The following PIK3CB variants were observed in gnomAD, a reference collection of about 807,000 sequenced individuals.
PIK3CB encodes the protein phosphatidylinositol-4,5-bisphosphate 3-kinase catalytic subunit beta, also known as phosphatidylinositol 4,5-bisphosphate 3-kinase catalytic subunit beta isoform.
Under a neutral mutation model 136.8 loss-of-function variants are expected in PIK3CB, and 39 were observed. The observed-to-expected ratio is 0.29, with a 90% confidence interval of 0.22 to 0.37. The LOEUF is 0.37. Among genes scored for constraint, PIK3CB ranks in the 10% least tolerant of loss-of-function variants. The probability of loss-of-function intolerance (pLI) is 1.00; values close to 1 mark genes in which losing one functional copy is unlikely to be tolerated. For synonymous variants in PIK3CB, 428 were observed against 436.6 expected, an observed-to-expected ratio of 0.98 and a Z score of 0.25; for missense variants, 868 against 1,275.4, an observed-to-expected ratio of 0.68 and a Z score of 4.87.
rs773279562 is a variant in PIK3CB, at chr3:138,734,677, T to C, written c.929A>G (p.Asn310Ser). ...CTTTGGTGGTAATGGAAGAGGAAGA[T>C]TAGATGAATTTCGATTTATGGCAGC... ...IEAAINRNSS[N>S]LPLPLPPKKT... The change falls in exon 7 of 24, where the codon AAT becomes AGT. Residue 310 changes from asparagine to serine, a missense_variant. By Grantham distance (46) the Asn-to-Ser change is conservative (BLOSUM62 1). This residue lies in a region of PIK3CB where 612 missense variants were observed against 801.1 expected (regional missense o/e 0.76). Transcript: ENST00000674063. 1.9e-6 allele frequency: 3 copies of C among 1,613,168 alleles called. No individual in the cohort carries two copies. Among genetic ancestry groups the C allele is most frequent in the Non-Finnish European group, 2.5e-6 (3 of 1,179,368 alleles).
chr3:138,729,083 C>G (rs933823716), intron 8 of PIK3CB, among the ~76,000 whole-genome samples: 1 of 152,014 alleles, frequency 6.6e-6, no homozygotes, highest in African/African-American at 2.4e-5. Flanking sequence ...GAGTTTGAGA[C>G]CAGGCTGGCC....
In PIK3CB at chr3:138,734,934, A is replaced by C. The variant is rs540409161; in HGVS notation, c.802-130T>G. 6 of 512,740 alleles carry C rather than the reference A, an allele frequency of 1.2e-5. No homozygotes were observed. The East Asian group carries it at 2.1e-4, about 18-fold the overall frequency. The allele number at this position is 512,740 out of a possible 1,614,324, so 31.8% of individuals were successfully genotyped here. A position where few individuals can be genotyped will look rare whatever the true frequency, so the allele number is the denominator to read the frequency against. ...TGTCTTAAACCACAGCAGAATATCAAGAAATTAAAAAAAAAAAATTTTTTT... is the reference window on the plus strand; with the variant it reads ...TGTCTTAAACCACAGCAGAATATCACGAAATTAAAAAAAAAAAATTTTTTT... On this transcript the variant is annotated intron_variant, in intron 6 of 23. Transcript: ENST00000674063.
chr3:138,755,778 T>C lies in PIK3CB; in HGVS notation c.373A>G (p.Lys125Glu). ...SCDPGEKLDS[K>E]IGVLIGKGLH... ...CCTTTTCCTATAAGGACTCCAATTT[T>C]TGAGTCTAATTTTTCCCCTGGGTCA... The change falls in exon 4 of 24, where the codon AAA becomes GAA. Residue 125 changes from lysine (K) to glutamate (E), a missense_variant. Around this residue, in one of 4 missense-constraint regions of PIK3CB, gnomAD observed 612 missense variants for 801.1 expected, o/e 0.76. Transcript: ENST00000674063. The C allele has an allele frequency of 6.2e-7, 1 of 1,603,596 alleles. No homozygotes were observed. Among genetic ancestry groups the C allele is most frequent in the Non-Finnish European group, 8.5e-7 (1 of 1,170,820 alleles).
intron 8 of PIK3CB, among the ~76,000 whole-genome samples, chr3:138,728,966 T>C (rs896702220): frequency 6.6e-6 from 1 of 152,104 alleles, no homozygotes; most frequent in African/African-American, 2.4e-5. Flanking sequence ...ATGAATGCTG[T>C]CCTTTAAGAT....
intron 2 of PIK3CB, among the ~76,000 whole-genome samples, chr3:138,779,403 T>TTTG (rs1284575808): frequency 6.7e-6 from 1 of 148,486 alleles, no homozygotes; most frequent in Non-Finnish European, 1.5e-5. Flanking sequence ...TTTTTTTTTT[T>TTTG]TTTTTGAGAC....
At position 138,655,524 on chromosome 3, in the gene PIK3CB, G is replaced by A. The variant is rs764242331; in HGVS notation, c.3078C>T (p.Asp1026=). Residue 1026 remains aspartate (D), a splice_region_variant and synonymous_variant, in exon 24 of 24, where the codon GAC becomes GAT. Transcript: ENST00000674063. The part of the protein sequence containing the change: ...TSVKDIQYLK[D]SLALGKSEEE... ...CTTCACTCTTCCCTAATGCAAGAGAGTCCTAAAATGGAAGGGGGAAAATAT... is the reference window on the plus strand; with the variant it reads ...CTTCACTCTTCCCTAATGCAAGAGAATCCTAAAATGGAAGGGGGAAAATAT... The A allele has an allele frequency of 4.4e-6, 7 of 1,608,558 alleles. No homozygotes were observed. In the South Asian group the frequency reaches 7.7e-5, roughly 18 times the overall value.
chr3:138,805,161 C>T (rs1386077002), intron 1 of PIK3CB, among the ~76,000 whole-genome samples: 2 of 151,644 alleles, frequency 1.3e-5, no homozygotes, highest in African/African-American at 4.9e-5. Context: ...GTGACAAAAC[C>T]GTCTCTGCTT....
At chr3:138,734,558 A>G (rs2045060810) in intron 7 of PIK3CB, 76 bp downstream of exon 7, 1 of 1,077,892 alleles carries the variant, frequency 9.3e-7, no homozygotes, top group East Asian at 2.5e-5. Flanking sequence ...AGCAAAGGAA[A>G]TATGTGTGAA....
intron 1 of PIK3CB, among the ~76,000 whole-genome samples, chr3:138,813,430 A>ATTT (rs770922735): frequency 3.0e-5 from 4 of 133,202 alleles, no homozygotes; most frequent in Non-Finnish European, 6.5e-5. Flanking sequence ...GGCCTACTCT[A>ATTT]TTTTTTTTTT....
chr3:138,777,615 G>A (rs565487102), intron 2 of PIK3CB, among the ~76,000 whole-genome samples: 22 of 152,200 alleles, frequency 1.4e-4, no homozygotes, highest in Middle Eastern at 3.4e-3. Flanking sequence ...TGCAGAACCA[G>A]AGCATAATAA....
intron 2 of PIK3CB, among the ~76,000 whole-genome samples, chr3:138,789,134 A>G (rs1441187732): frequency 6.6e-6 from 1 of 152,024 alleles, no homozygotes; most frequent in Non-Finnish European, 1.5e-5. Context: ...TTCCTCAAAA[A>G]ATTAAAGCAT....
intron 1 of PIK3CB, among the ~76,000 whole-genome samples, chr3:138,821,293 A>AC (rs1459831817): frequency 6.7e-6 from 1 of 148,952 alleles, no homozygotes; most frequent in Non-Finnish European, 1.5e-5. Context: ...AAAAAAAAAA[A>AC]CAAAAAACAA....
At chr3:138,815,284 G>A (rs1933270832) in intron 1 of PIK3CB, among the ~76,000 whole-genome samples, 1 of 142,636 alleles carries the variant, frequency 7.0e-6, no homozygotes, top group Non-Finnish European at 1.5e-5. Flanking sequence ...TTGAGCTCAG[G>A]AGGCAGAGGT....
At chr3:138,673,100 C>T (rs1310058637) in intron 19 of PIK3CB, among the ~76,000 whole-genome samples, 1 of 151,726 alleles carries the variant, frequency 6.6e-6, no homozygotes, top group Non-Finnish European at 1.5e-5. Flanking sequence ...CGCCAGAGCA[C>T]ACAGAGACTT....
At chr3:138,698,177 T>G (rs1396720532) in intron 13 of PIK3CB, among the ~76,000 whole-genome samples, 3 of 152,222 alleles carry the variant, frequency 2.0e-5, no homozygotes, top group African/African-American at 7.2e-5. Flanking sequence ...TTAGTCACTA[T>G]AGATTTACTA....
chr3:138,805,231 G>C (rs539745254), intron 1 of PIK3CB, among the ~76,000 whole-genome samples: 1 of 151,048 alleles, frequency 6.6e-6, no homozygotes, highest in East Asian at 2.0e-4. Context: ...TACTCAGGAG[G>C]CTGAGGCAGG....
chr3:138,798,182 T>A (rs1037901321), intron 1 of PIK3CB, among the ~76,000 whole-genome samples: 22 of 152,122 alleles, frequency 1.4e-4, no homozygotes, highest in African/African-American at 5.1e-4. Context: ...TCTTTTTGTT[T>A]TTGAGACAGT....
chr3:138,726,433 A>C (rs1220093797), intron 8 of PIK3CB, among the ~76,000 whole-genome samples: 1 of 152,178 alleles, frequency 6.6e-6, no homozygotes, highest in East Asian at 1.9e-4. Context: ...TTGTATCTAC[A>C]ACTCCTATAA....
At chr3:138,698,410 T>C (rs962991345) in intron 13 of PIK3CB, among the ~76,000 whole-genome samples, 1 of 152,176 alleles carries the variant, frequency 6.6e-6, no homozygotes, top group Non-Finnish European at 1.5e-5. Flanking sequence ...TGAAGCAAAA[T>C]GGTCTTTTTT....
Sources: gnomAD v4.1 joint callset for allele counts (sites outside exome capture counted in the v4.1 genomes callset) on GRCh38, gnomAD v4.1.1 for gene constraint, gnomAD v4.1.1 regional missense constraint, MANE v1.5 for transcripts, NCBI Gene and HGNC (gene_info 2026-07-23, HGNC 2026-07-21) for gene names.